The following ZFAND3 variants were observed in gnomAD, a reference collection of about 807,000 sequenced individuals.
ZFAND3 encodes zinc finger AN1-type containing 3, also known as AN1-type zinc finger protein 3.
ZFAND3 carries 10 observed loss-of-function variants against 29.6 expected under a neutral mutation model. The observed-to-expected ratio is 0.34, with a 90% CI of 0.21 to 0.57. The LOEUF (loss-of-function observed/expected upper bound fraction) is 0.57. Among genes scored for constraint, ZFAND3 ranks in the 20% least tolerant of loss-of-function variants. ZFAND3 has a pLI of 0.86. For missense variants in ZFAND3, 230 were observed against 304.5 expected, an observed-to-expected ratio of 0.76 and a Z score of 1.82; for synonymous variants, 128 against 112.6, an observed-to-expected ratio of 1.14 and a Z score of -0.87.
At chr6:37,830,010 T>C (rs1380343624) in intron 1 of ZFAND3, among the ~76,000 whole-genome samples, 2 of 152,226 alleles carry the variant, frequency 1.3e-5, no homozygotes, top group African/African-American at 4.8e-5. Flanking sequence ...TTAAACTTTC[T>C]AGGATTATAT....
chr6:38,051,056 A>G (rs915398598), intron 2 of ZFAND3, among the ~76,000 whole-genome samples: 1 of 152,128 alleles, frequency 6.6e-6, no homozygotes. Flanking sequence ...CCCTTAAGTC[A>G]GGAGCTGCCT....
At chr6:37,926,565 G>A (rs988490914) in intron 1 of ZFAND3, among the ~76,000 whole-genome samples, 4 of 152,192 alleles carry the variant, frequency 2.6e-5, no homozygotes, top group African/African-American at 9.7e-5. Flanking sequence ...GGATAATCCA[G>A]GGTAATCTCA....
At chr6:38,066,008 G>C (rs901826746) in intron 3 of ZFAND3, among the ~76,000 whole-genome samples, 2 of 152,122 alleles carry the variant, frequency 1.3e-5, no homozygotes, top group Non-Finnish European at 2.9e-5. Context: ...TGGGAGTCTG[G>C]CTTGTTCTCC....
At chr6:37,870,534 G>A (rs1436317902) in intron 1 of ZFAND3, among the ~76,000 whole-genome samples, 2 of 148,638 alleles carry the variant, frequency 1.3e-5, no homozygotes, top group South Asian at 2.1e-4. Flanking sequence ...GGGAGGTGGA[G>A]GTTGCAGTGA....
chr6:38,126,921 TTG>T (rs993427474), intron 5 of ZFAND3, among the ~76,000 whole-genome samples: 10 of 147,474 alleles, frequency 6.8e-5, no homozygotes, highest in Admixed American at 2.7e-4. Flanking sequence ...TATTTTTAGA[TTG>T]TTTTTTTTTT....
intron 4 of ZFAND3, among the ~76,000 whole-genome samples, chr6:38,111,465 G>C (rs1765314857): frequency 6.6e-6 from 1 of 152,146 alleles, no homozygotes; most frequent in South Asian, 2.1e-4. Flanking sequence ...CAACTGTGCA[G>C]GTCCACTATG....
intron 1 of ZFAND3, among the ~76,000 whole-genome samples, chr6:37,896,564 T>TTCTTTC (rs1293402909): frequency 6.8e-6 from 1 of 146,414 alleles, no homozygotes; most frequent in Admixed American, 6.8e-5. Context: ...CTTTCTTTCT[T>TTCTTTC]TCTTTCTCTC....
intron 5 of ZFAND3, among the ~76,000 whole-genome samples, chr6:38,136,931 A>G (rs1765852672): frequency 6.6e-6 from 1 of 152,244 alleles, no homozygotes; most frequent in Admixed American, 6.5e-5. Context: ...GGCTAGGTTT[A>G]TGTTAATACT....
chr6:38,053,159 C>T (rs1359104034), intron 2 of ZFAND3, among the ~76,000 whole-genome samples: 1 of 151,986 alleles, frequency 6.6e-6, no homozygotes, highest in Non-Finnish European at 1.5e-5. Flanking sequence ...GGAGCAGTGG[C>T]ATCAAATGTG....
intron 3 of ZFAND3, among the ~76,000 whole-genome samples, chr6:38,079,132 G>A (rs1764609274): frequency 6.6e-6 from 1 of 152,106 alleles, no homozygotes; most frequent in African/African-American, 2.4e-5. Flanking sequence ...ATATATGTGT[G>A]GTGCTGACAT....
chr6:38,131,654 A>G (rs898003320), intron 5 of ZFAND3, among the ~76,000 whole-genome samples: 1 of 152,060 alleles, frequency 6.6e-6, no homozygotes, highest in African/African-American at 2.4e-5. Context: ...CCTTCCTCCC[A>G]CTGTTGTCCC....
chr6:37,900,566 CCT>C (rs1447875824), intron 1 of ZFAND3, among the ~76,000 whole-genome samples: 2 of 151,780 alleles, frequency 1.3e-5, no homozygotes, highest in Non-Finnish European at 2.9e-5. Flanking sequence ...ATTTTTTTCC[CCT>C]CTTTTTGGAA....
At chr6:37,958,559 G>A (rs974848950) in intron 2 of ZFAND3, among the ~76,000 whole-genome samples, 3 of 151,696 alleles carry the variant, frequency 2.0e-5, no homozygotes, top group African/African-American at 2.4e-5. Flanking sequence ...ACTCTAATTA[G>A]CAATCCTGGA....
chr6:37,845,987 A>C (rs1421383061), intron 1 of ZFAND3, among the ~76,000 whole-genome samples: 1 of 152,168 alleles, frequency 6.6e-6, no homozygotes, highest in Non-Finnish European at 1.5e-5. Context: ...GAATTTGTGA[A>C]GTGAAGTGTT....
chr6:37,923,863 T>G (rs1199754160), intron 1 of ZFAND3, among the ~76,000 whole-genome samples: 1 of 152,218 alleles, frequency 6.6e-6, no homozygotes, highest in Non-Finnish European at 1.5e-5. Flanking sequence ...AATGAACACC[T>G]GTGAACATAC....
intron 2 of ZFAND3, among the ~76,000 whole-genome samples, chr6:37,934,737 G>T (rs1210615570): frequency 2.7e-5 from 4 of 150,100 alleles, no homozygotes; most frequent in Admixed American, 6.7e-5. Context: ...TACTCGGGAG[G>T]CTGAGGCAGG....
intron 2 of ZFAND3, among the ~76,000 whole-genome samples, chr6:38,028,991 C>A (rs1211018575): frequency 1.3e-5 from 2 of 152,164 alleles, no homozygotes; most frequent in African/African-American, 2.4e-5. Flanking sequence ...ATTACAGAAT[C>A]ATGTCTTTCT....
chr6:38,137,535 G>A (rs941851), intron 5 of ZFAND3, among the ~76,000 whole-genome samples: 148,041 of 152,358 alleles, frequency 0.97, 71,960 homozygotes, highest in East Asian at 1. Context: ...AAGAGCAAGG[G>A]GTAAAACTGA....
At chr6:38,057,038 T>G (rs548339738) in intron 2 of ZFAND3, among the ~76,000 whole-genome samples, 1 of 151,800 alleles carries the variant, frequency 6.6e-6, no homozygotes, top group East Asian at 2.0e-4. Context: ...ATTAACTAAC[T>G]TATAAAATTA....
Sources: gnomAD v4.1 joint callset for allele counts (sites outside exome capture counted in the v4.1 genomes callset) on GRCh38, gnomAD v4.1.1 for gene constraint, MANE v1.5 for transcripts, NCBI Gene and HGNC (gene_info 2026-07-23, HGNC 2026-07-21) for gene names.